The following DMD variants were observed in gnomAD, a reference collection of about 807,000 sequenced individuals.
DMD encodes the protein dystrophin, also known as mutant dystrophin.
A neutral mutation model predicts 330.1 loss-of-function variants in DMD; 63 were observed. That is an observed-to-expected ratio of 0.19 (90% confidence interval 0.16 to 0.24). The LOEUF (loss-of-function observed/expected upper bound fraction) is 0.24, where lower values mean the gene tolerates loss of function less well. Among genes scored for constraint, DMD ranks in the 10% least tolerant of loss-of-function variants. DMD has a pLI of 1.00. For synonymous variants in DMD, 1,223 were observed against 959.8 expected, an observed-to-expected ratio of 1.27 and a Z score of -5.07; for missense variants, 3,344 against 2,684.1, an observed-to-expected ratio of 1.25 and a Z score of -5.43.
chrX:31,796,393 T>C (rs1018661485), intron 50 of DMD, among the ~76,000 whole-genome samples: 2 of 112,539 alleles, frequency 1.8e-5, no homozygotes, highest in Non-Finnish European at 3.8e-5. Flanking sequence ...ATTTTTAACA[T>C]GGCCAGTCCA....
chrX:31,625,776 G>A (rs1004533432), intron 55 of DMD, among the ~76,000 whole-genome samples: 3 of 111,182 alleles, frequency 2.7e-5, no homozygotes, highest in Non-Finnish European at 3.8e-5. Context: ...AATACAAATT[G>A]TATAGTAGAA....
chrX:31,456,716 A>C (rs1186745618), intron 59 of DMD, among the ~76,000 whole-genome samples: 1 of 110,639 alleles, frequency 9.0e-6, no homozygotes, highest in Admixed American at 9.7e-5. Flanking sequence ...GGTGGCCTTT[A>C]CAATGTAGAA....
At chrX:32,404,536 G>A (rs768211578) in intron 30 of DMD, among the ~76,000 whole-genome samples, 2 of 111,209 alleles carry the variant, frequency 1.8e-5, no homozygotes, top group African/African-American at 3.3e-5. Flanking sequence ...AAGCAACTCC[G>A]CTCTTGCTTG....
At chrX:32,397,621 T>C (rs2098054475) in intron 30 of DMD, among the ~76,000 whole-genome samples, 1 of 111,856 alleles carries the variant, frequency 8.9e-6, no homozygotes, top group African/African-American at 3.2e-5. Flanking sequence ...ACAAGTGAAA[T>C]CGAATTAACC....
At chrX:31,364,546 G>C (rs1484932338) in intron 60 of DMD, among the ~76,000 whole-genome samples, 1 of 111,752 alleles carries the variant, frequency 8.9e-6, no homozygotes, top group Non-Finnish European at 1.9e-5. Flanking sequence ...TATAATAAAG[G>C]GGAAACTACA....
chrX:31,961,743 T>TTTTTTTTTGTTTTTTTTTTTTG (rs1569523665), intron 45 of DMD, among the ~76,000 whole-genome samples: 5 of 90,279 alleles, frequency 5.5e-5, no homozygotes, highest in African/African-American at 2.2e-4. Flanking sequence ...GGAAGCGGTT[T>TTTTTTTTTGTTTTTTTTTTTTG]TTTTTTTTTT....
At chrX:31,476,403 A>G (rs1450224953) in intron 59 of DMD, among the ~76,000 whole-genome samples, 205 of 94,790 alleles carry the variant, frequency 2.2e-3, no homozygotes, top group African/African-American at 8.3e-3. Context: ...GTGTGTATAT[A>G]TATATATATA....
chrX:31,225,023 G>C (rs974312172), intron 63 of DMD, among the ~76,000 whole-genome samples: 2 of 112,591 alleles, frequency 1.8e-5, no homozygotes, highest in Admixed American at 1.9e-4. Context: ...TGTTTTCTAG[G>C]TGATCGAAAT....
intron 43 of DMD, among the ~76,000 whole-genome samples, chrX:32,228,004 A>C (rs958484167): frequency 2.7e-5 from 3 of 111,265 alleles, no homozygotes; most frequent in Non-Finnish European, 5.7e-5. Context: ...ATATGTATAT[A>C]AGTATACACA....
At chrX:32,757,161 T>C (rs1480551599) in intron 7 of DMD, among the ~76,000 whole-genome samples, 1 of 111,665 alleles carries the variant, frequency 9.0e-6, no homozygotes, top group Non-Finnish European at 1.9e-5. Flanking sequence ...ATCCATTACC[T>C]CACATGCTTG....
At chrX:32,792,646 G>A (rs1309082425) in intron 7 of DMD, among the ~76,000 whole-genome samples, 1 of 112,214 alleles carries the variant, frequency 8.9e-6, no homozygotes, top group Non-Finnish European at 1.9e-5. Flanking sequence ...GCAAACCGAA[G>A]CCAAAGGGGA....
At chrX:32,883,845 A>AG (rs2084247442) in intron 2 of DMD, among the ~76,000 whole-genome samples, 2 of 103,448 alleles carry the variant, frequency 1.9e-5, no homozygotes, top group African/African-American at 7.0e-5. Context: ...AAAAAAAAAA[A>AG]AAAAAAGAAA....
intron 1 of DMD, chrX:33,127,999 A>G (rs2095475570): frequency 2.7e-6 from 3 of 1,092,438 alleles, no homozygotes; most frequent in East Asian, 3.4e-5. Context: ...TTTTATAGAA[A>G]GGCATATGGA....
chrX:31,278,237 G>C (rs777437021), intron 62 of DMD, among the ~76,000 whole-genome samples: 25 of 111,433 alleles, frequency 2.2e-4, no homozygotes, highest in African/African-American at 7.8e-4. Context: ...TAAAGAAATG[G>C]ACAAACTATA....
chrX:32,725,331 G>A (rs955450865), intron 7 of DMD, among the ~76,000 whole-genome samples: 1 of 110,491 alleles, frequency 9.1e-6, no homozygotes, highest in African/African-American at 3.3e-5. Context: ...GTAGTCCATA[G>A]GTATATATAT....
intron 15 of DMD, among the ~76,000 whole-genome samples, chrX:32,568,277 A>AG (rs1176334337): frequency 8.9e-6 from 1 of 111,797 alleles, no homozygotes; most frequent in Non-Finnish European, 1.9e-5. Flanking sequence ...TGGGAGGCTG[A>AG]GGCGGGCGGA....
chrX:31,827,225 AG>A (rs2149451659), intron 49 of DMD, among the ~76,000 whole-genome samples: 1 of 112,125 alleles, frequency 8.9e-6, no homozygotes, highest in Non-Finnish European at 1.9e-5. Flanking sequence ...GGACGGAAAA[AG>A]ATACTCCATG....
At chrX:31,939,953 C>T (rs770680762) in intron 45 of DMD, among the ~76,000 whole-genome samples, 9 of 111,616 alleles carry the variant, frequency 8.1e-5, no homozygotes, top group African/African-American at 2.9e-4. Context: ...GATGAGACTA[C>T]TTCTAGGTGA....
chrX:32,536,624 T>TA (rs1216295148), intron 17 of DMD, among the ~76,000 whole-genome samples: 1 of 112,320 alleles, frequency 8.9e-6, no homozygotes. Flanking sequence ...GATTTGATCT[T>TA]ATTTTGCTTT....
Sources: allele counts gnomAD v4.1 joint callset (sites outside exome capture counted in the v4.1 genomes callset), GRCh38; gene constraint gnomAD v4.1.1; transcripts MANE v1.5; gene names NCBI Gene and HGNC (gene_info 2026-07-23, HGNC 2026-07-21).